HMGXB3: variants seen among roughly 807,000 people sequenced by gnomAD.
The protein encoded by HMGXB3 is HMG domain-containing protein 3.
HMGXB3 carries 45 observed loss-of-function variants against 121.5 expected under a neutral mutation model. The observed-to-expected ratio is 0.37, with a 90% CI of 0.29 to 0.47. HMGXB3 has a LOEUF of 0.47. HMGXB3 is among the 20% of genes least tolerant of loss of function. HMGXB3 has a pLI of 0.99. For synonymous variants in HMGXB3, 590 were observed against 624.1 expected (o/e 0.95, Z 0.81); for missense variants, 1,376 against 1,602.2 (o/e 0.86, Z 2.41).
chr5:150,041,676 A>C, intron 14 of HMGXB3, 109 bp from the exon 15 acceptor site: 1 of 790,144 alleles, frequency 1.3e-6, no homozygotes. Context: ...AGTGTTCTTT[A>C]AGGTGAATCA....
chr5:150,046,701 A>G (rs1273995607), intron 16 of HMGXB3, among the ~76,000 whole-genome samples: 1 of 151,854 alleles, frequency 6.6e-6, no homozygotes, highest in Non-Finnish European at 1.5e-5. Context: ...AGTCCCAGCT[A>G]CTCAGGAGGC....
chr5:150,032,836 T>G (rs1756411777), intron 11 of HMGXB3, among the ~76,000 whole-genome samples: 1 of 151,856 alleles, frequency 6.6e-6, no homozygotes, highest in Non-Finnish European at 1.5e-5. Context: ...GAACCAAGAG[T>G]TCACTCACTG....
intron 6 of HMGXB3, among the ~76,000 whole-genome samples, chr5:150,023,060 C>G (rs966156015): frequency 7.1e-6 from 1 of 141,174 alleles, no homozygotes; most frequent in Non-Finnish European, 1.5e-5. Context: ...AACTCCTGGG[C>G]TTAGGTGAGC....
In HMGXB3 at chr5:150,026,689, C is replaced by G. The variant is rs754994475; in HGVS notation, c.1461-17C>G. On this transcript the variant is annotated splice_polypyrimidine_tract_variant and intron_variant, in intron 7 of 19. Transcript: ENST00000502717. ...TTTGTTCCAGAATTTCCAGATTTCT[C>G]TTCTTATTCTTTTCAGAGCTGACCT... is the stretch of plus-strand genomic sequence containing the variant. 1.3e-5 allele frequency: 20 copies of G among 1,541,544 alleles called. No individual in the cohort carries two copies. The highest frequency in any genetic ancestry group is 2.1e-5 in the Admixed American group (1 of 47,894).
At chr5:150,028,539 G>GTATA (rs1264284739) in intron 9 of HMGXB3, among the ~76,000 whole-genome samples, 2 of 53,150 alleles carry the variant, frequency 3.8e-5, no homozygotes, top group Admixed American at 2.0e-4. Flanking sequence ...GTGTGTGTGT[G>GTATA]TGTATATATA....
chr5:150,052,213 C>CT lies in HMGXB3; in HGVS notation c.*22dup. 6.7e-7 allele frequency: 1 copy of CT among 1,498,906 alleles called. No individual in the cohort carries two copies. Among genetic ancestry groups the CT allele is most frequent in the East Asian group, 2.5e-5 (1 of 40,432 alleles). 92.9% of individuals were successfully genotyped at this position (1,498,906 alleles called of 1,614,324 possible). ...AATAAGCCAGGCTGTTGTACAGGGACTACACCATCTCTCAAGCCATAGTAA... is the reference window on the plus strand; with the variant it reads ...AATAAGCCAGGCTGTTGTACAGGGACTTACACCATCTCTCAAGCCATAGTAA... On this transcript the variant is annotated 3_prime_UTR_variant, in exon 20 of 20. Coordinates refer to ENST00000502717, the MANE Select transcript of HMGXB3 (RefSeq NM_014983.3).
At chr5:150,049,938 A>T (rs534656581) in intron 18 of HMGXB3, among the ~76,000 whole-genome samples, 5 of 152,172 alleles carry the variant, frequency 3.3e-5, no homozygotes, top group Non-Finnish European at 7.4e-5. Flanking sequence ...TGCTGCTGCT[A>T]TGTAGCTAGC....
intron 12 of HMGXB3, 148 bp downstream of exon 12, chr5:150,037,085 A>C: frequency 1.3e-6 from 1 of 779,206 alleles, no homozygotes; most frequent in Non-Finnish European, 2.0e-6. Context: ...GCTGAAAGTA[A>C]AGTAATAATT....
chr5:150,044,163 G>C (rs1756701168), intron 15 of HMGXB3, among the ~76,000 whole-genome samples: 1 of 152,222 alleles, frequency 6.6e-6, no homozygotes, highest in Non-Finnish European at 1.5e-5. Flanking sequence ...GTGGAGAGTA[G>C]TGTGGTATGT....
intron 19 of HMGXB3, 61 bp from the exon 20 acceptor site, chr5:150,051,664 C>T (rs1756901581): frequency 7.6e-7 from 1 of 1,321,340 alleles, no homozygotes; most frequent in Non-Finnish European, 1.0e-6. Context: ...GTTCTCGTCA[C>T]CAGATGGGTT....
chr5:150,004,227 A>G (rs888446926), intron 1 of HMGXB3, among the ~76,000 whole-genome samples: 5 of 152,112 alleles, frequency 3.3e-5, no homozygotes, highest in Non-Finnish European at 7.4e-5. Context: ...TTATCACTAT[A>G]AATCTGTGGG....
In HMGXB3 at chr5:150,024,306, T is replaced by C. The variant is rs1756169917; in HGVS notation, c.1086T>C (p.Ser362=). 3.9e-6 allele frequency: 6 copies of C among 1,550,128 alleles called. No individual in the cohort carries two copies. In the African/African-American group the frequency reaches 4.1e-5, roughly 11 times the overall value. The stretch of plus-strand genomic sequence containing the variant: ...AAGTGGAATTGGCTTCTGGCGTCTC[T>C]TCCAAAGGCTCTGTGGTGAAAAGAA... ...KVKVELASGV[S]SKGSVVKRNQ... Residue 362 remains serine (S), a synonymous_variant, in exon 7 of 20, where the codon TCT becomes TCC. Transcript: ENST00000502717.
chr5:150,047,402 T>C (rs1309569439), intron 16 of HMGXB3: 2 of 521,732 alleles, frequency 3.8e-6, no homozygotes, highest in Admixed American at 3.4e-5. Flanking sequence ...TCAGTGGCGG[T>C]ATGCAGGATA....
At chr5:150,044,389 C>G (rs1156660104) in intron 15 of HMGXB3, among the ~76,000 whole-genome samples, 1 of 152,068 alleles carries the variant, frequency 6.6e-6, no homozygotes, top group East Asian at 1.9e-4. Flanking sequence ...CCTAGGTGTG[C>G]CATTTACACA....
chr5:150,003,584 T>C (rs1755626849), intron 1 of HMGXB3, among the ~76,000 whole-genome samples: 1 of 151,722 alleles, frequency 6.6e-6, no homozygotes, highest in South Asian at 2.1e-4. Context: ...ATCTCTATTA[T>C]TATTTTTTAA....
At position 150,047,704 on chromosome 5, in the gene HMGXB3, C is replaced by G. The variant is rs1375511270; in HGVS notation, c.3031C>G (p.Leu1011Val). 4.5e-6 allele frequency: 7 copies of G among 1,551,650 alleles called. No individual in the cohort carries two copies. Among genetic ancestry groups the G allele is most frequent in the Non-Finnish European group, 6.1e-6 (7 of 1,147,012 alleles). ...DEIGSYSEEK[L>V]QHLLRQCGIP... ...GATTGGCTCCTACAGTGAAGAGAAG[C>G]TGCAGCACCTGCTAAGGCAGTGTGG... The change falls in exon 17 of 20, where the codon CTG (leucine) becomes GTG (valine). Residue 1011 changes from leucine (L) to valine (V), a missense_variant. This residue lies in a region of HMGXB3 where 1,116 missense variants were observed against 1,369.0 expected (regional missense o/e 0.82). Coordinates refer to ENST00000502717, the MANE Select transcript of HMGXB3 (RefSeq NM_014983.3).
rs185446093 is a variant in HMGXB3 at position 150,021,739 on chromosome 5, C to G, written c.1042-2523C>G. The G allele has an allele frequency of 2.6e-3, 1,341 of 509,390 alleles. 4 individuals carry two copies. The highest frequency in any genetic ancestry group is 4.0e-3 in the Non-Finnish European group (1,014 of 255,556). The allele number at this position is 509,390 out of a possible 1,614,324, so 31.6% of individuals were successfully genotyped here. A position where few individuals can be genotyped will look rare whatever the true frequency, so the allele number is the denominator to read the frequency against. ...ACCACAAGTTTTTCTTGTAGTGATT[C>G]TCAAAGTCTTGGTAGGCATTCGAAC... On this transcript the variant is annotated intron_variant, in intron 6 of 19. Transcript: ENST00000502717.
At chr5:150,012,494 G>A (rs141791531) in intron 5 of HMGXB3, 141 bp downstream of exon 5, 18 of 645,698 alleles carry the variant, frequency 2.8e-5, no homozygotes, top group African/African-American at 2.5e-4. Context: ...CTCAGGATGC[G>A]AGGACTGGCA....
chr5:150,047,147 G>T (rs963018784), intron 16 of HMGXB3, among the ~76,000 whole-genome samples: 4 of 152,018 alleles, frequency 2.6e-5, no homozygotes, highest in African/African-American at 4.8e-5. Flanking sequence ...ACCTGCCTCG[G>T]CCTCCTAAAG....
Sources: allele counts gnomAD v4.1 joint callset (sites outside exome capture counted in the v4.1 genomes callset), GRCh38; gene constraint gnomAD v4.1.1; regional missense constraint gnomAD v4.1.1; transcripts MANE v1.5; gene names NCBI Gene and HGNC (gene_info 2026-07-23, HGNC 2026-07-21).